Variants in RPTOR observed in about 807,000 individuals in gnomAD.
RPTOR encodes the protein regulatory associated protein of MTOR complex 1.
RPTOR carries 21 observed loss-of-function variants against 169.9 expected under a neutral mutation model. The ratio of observed to expected loss-of-function variants is 0.12; its 90% CI spans 0.09 to 0.18. RPTOR has a LOEUF of 0.18. Ranked by LOEUF, RPTOR falls within the 10% of genes least tolerant of loss-of-function variation. The pLI, the probability that RPTOR is intolerant of heterozygous loss-of-function variation, is 1.00. For synonymous variants in RPTOR, 732 were observed against 753.2 expected, an observed-to-expected ratio of 0.97 and a Z score of 0.46; for missense variants, 1,133 against 1,855.9, an observed-to-expected ratio of 0.61 and a Z score of 7.16.
chr17:80,806,212 T>C (rs2067217462), intron 7 of RPTOR, among the ~76,000 whole-genome samples: 1 of 152,222 alleles, frequency 6.6e-6, no homozygotes, highest in Non-Finnish European at 1.5e-5. Context: ...ACCATTTCGG[T>C]AACCCTGAGC....
intron 3 of RPTOR, among the ~76,000 whole-genome samples, chr17:80,657,071 C>T (rs1015452431): frequency 6.6e-6 from 1 of 152,238 alleles, no homozygotes; most frequent in Non-Finnish European, 1.5e-5. Context: ...GTTTTCACAG[C>T]CCTGTTCTTG....
intron 1 of RPTOR, among the ~76,000 whole-genome samples, chr17:80,597,258 A>C (rs950261192): frequency 3.3e-5 from 5 of 152,178 alleles, no homozygotes; most frequent in Non-Finnish European, 7.3e-5. Flanking sequence ...AAGAAGGCTG[A>C]GAGAAGGGAC....
At chr17:80,909,023 A>G (rs1463331486) in intron 21 of RPTOR, 94 bp downstream of exon 21, 2 of 833,794 alleles carry the variant, frequency 2.4e-6, no homozygotes, top group East Asian at 4.9e-5. Context: ...GGTCCACACC[A>G]CAGTTTAGAA....
At chr17:80,702,076 G>T (rs906463070) in intron 3 of RPTOR, among the ~76,000 whole-genome samples, 1 of 152,112 alleles carries the variant, frequency 6.6e-6, no homozygotes, top group Non-Finnish European at 1.5e-5. Context: ...AAAAGTCTAC[G>T]TGGAAAATGC....
chr17:80,619,024 G>C (rs1256743791), intron 1 of RPTOR, among the ~76,000 whole-genome samples: 1 of 152,162 alleles, frequency 6.6e-6, no homozygotes, highest in Non-Finnish European at 1.5e-5. Flanking sequence ...ATGTGTTCTA[G>C]TTTCTGACTC....
At chr17:80,882,942 G>A (rs150816828) in intron 14 of RPTOR, among the ~76,000 whole-genome samples, 20 of 152,332 alleles carry the variant, frequency 1.3e-4, no homozygotes, top group African/African-American at 4.6e-4. Flanking sequence ...CCAGGTCAGC[G>A]GAGGCACAGA....
Position 80,965,660 on chromosome 17 carries a change from G to C in RPTOR, c.*1330G>C, listed in dbSNP as rs1034082419. On this transcript the variant is annotated 3_prime_UTR_variant, in exon 34 of 34. Transcript: ENST00000306801. ...GTGTGGCGAGGCCCGGCTCTCCTGC[G>C]GTGTGGCTGGTGGCCTGCCGTGGCC... 4.3e-6 allele frequency: 1 copy of C among 233,224 alleles called. No homozygotes were observed. The highest frequency in any genetic ancestry group is 2.2e-5 in the African/African-American group (1 of 45,338). The allele number at this position is 233,224 out of a possible 1,614,324, so 14.4% of individuals were successfully genotyped here. A position where few individuals can be genotyped will look rare whatever the true frequency, so the allele number is the denominator to read the frequency against.
At chr17:80,748,704 A>G (rs1433001085) in intron 5 of RPTOR, among the ~76,000 whole-genome samples, 84 of 46,706 alleles carry the variant, frequency 1.8e-3, no homozygotes, top group African/African-American at 2.3e-3. Context: ...TGGCGGGAGG[A>G]CCTGTTGGGT....
chr17:80,847,139 C>T (rs2067741056), intron 11 of RPTOR, among the ~76,000 whole-genome samples: 1 of 152,282 alleles, frequency 6.6e-6, no homozygotes, highest in African/African-American at 2.4e-5. Flanking sequence ...GCCGGCAGCC[C>T]TTCCCTTGCA....
intron 5 of RPTOR, among the ~76,000 whole-genome samples, chr17:80,744,605 T>G (rs111907527): frequency 0.022 from 313 of 14,004 alleles, 5 homozygotes; most frequent in East Asian, 0.1. Flanking sequence ...TCCTGGTTAC[T>G]AGCACAGCCC....
intron 1 of RPTOR, among the ~76,000 whole-genome samples, chr17:80,588,914 C>G (rs559032131): frequency 2.0e-5 from 3 of 152,166 alleles, no homozygotes; most frequent in Admixed American, 2.0e-4. Context: ...TAGTTCTATT[C>G]TAGTTTAATG....
chr17:80,961,072 G>A (rs1157720579), intron 30 of RPTOR: 1 of 386,484 alleles, frequency 2.6e-6, no homozygotes, highest in East Asian at 4.1e-5. Context: ...GGGTGGGCAG[G>A]GCCTGGGAGC....
chr17:80,871,206 C>T (rs192299182), intron 13 of RPTOR, among the ~76,000 whole-genome samples: 4 of 152,088 alleles, frequency 2.6e-5, no homozygotes, highest in Non-Finnish European at 4.4e-5. Context: ...CCTGTGTTCA[C>T]GCCATTCTCC....
At chr17:80,732,704 T>C (rs1249432012) in intron 5 of RPTOR, among the ~76,000 whole-genome samples, 2 of 152,264 alleles carry the variant, frequency 1.3e-5, no homozygotes, top group African/African-American at 4.8e-5. Context: ...TATTGTTCAC[T>C]TGGTCTCTTA....
chr17:80,761,542 G>A (rs980398104), intron 6 of RPTOR, among the ~76,000 whole-genome samples: 1 of 152,154 alleles, frequency 6.6e-6, no homozygotes, highest in African/African-American at 2.4e-5. Flanking sequence ...TGTCTGGCCA[G>A]GCTAAGTGGT....
intron 13 of RPTOR, among the ~76,000 whole-genome samples, chr17:80,864,403 A>G (rs889832014): frequency 6.7e-6 from 1 of 150,226 alleles, no homozygotes; most frequent in African/African-American, 2.5e-5. Flanking sequence ...CAGATTTCCT[A>G]CAGATGGAAA....
chr17:80,742,943 TACAC>T (rs138446030), intron 5 of RPTOR, among the ~76,000 whole-genome samples: 15,592 of 150,910 alleles, frequency 0.1, 1,011 homozygotes, highest in Non-Finnish European at 0.15. Flanking sequence ...CACTCACCTA[TACAC>T]ACACACACAC....
At chr17:80,727,240 G>A (rs926487858) in intron 4 of RPTOR, among the ~76,000 whole-genome samples, 4 of 149,456 alleles carry the variant, frequency 2.7e-5, no homozygotes, top group East Asian at 2.0e-4. Flanking sequence ...CTCCGAGAAC[G>A]TGGACGCTGC....
chr17:80,738,427 G>A (rs1309409688), intron 5 of RPTOR, among the ~76,000 whole-genome samples: 3 of 152,196 alleles, frequency 2.0e-5, no homozygotes, highest in African/African-American at 4.8e-5. Context: ...TCGTAACTCC[G>A]AGTCCTAGAA....
Sources: allele counts gnomAD v4.1 joint callset (sites outside exome capture counted in the v4.1 genomes callset), GRCh38; gene constraint gnomAD v4.1.1; transcripts MANE v1.5; gene names NCBI Gene and HGNC (gene_info 2026-07-23, HGNC 2026-07-21).